CRB1: variants seen among roughly 807,000 people sequenced by gnomAD.
The protein encoded by CRB1 is crumbs cell polarity complex component 1, also known as protein crumbs homolog 1.
A neutral mutation model predicts 120.0 loss-of-function variants in CRB1; 83 were observed. That is an observed-to-expected ratio of 0.69 (90% CI 0.58 to 0.83). CRB1 has a LOEUF of 0.83. Ranked by LOEUF, CRB1 falls within the 40% of genes least tolerant of loss-of-function variation. The probability of loss-of-function intolerance (pLI) is 0.00; values close to 1 mark genes in which losing one functional copy is unlikely to be tolerated. For synonymous variants in CRB1, 625 were observed against 612.5 expected, an observed-to-expected ratio of 1.02 and a Z score of -0.30; for missense variants, 1,699 against 1,687.6, an observed-to-expected ratio of 1.01 and a Z score of -0.12.
intron 3 of CRB1, among the ~76,000 whole-genome samples, chr1:197,346,565 C>T (rs1463652867): frequency 6.6e-6 from 1 of 152,186 alleles, no homozygotes; most frequent in African/African-American, 2.4e-5. Context: ...CTCTACCTGC[C>T]TTATAAATTC....
At chr1:197,468,457 T>C (rs1226184901) in intron 11 of CRB1, among the ~76,000 whole-genome samples, 1 of 152,018 alleles carries the variant, frequency 6.6e-6, no homozygotes, top group East Asian at 1.9e-4. Context: ...AAAAAATGAA[T>C]GAATGAATTT....
chr1:197,451,970 T>A (rs1386780190), intron 11 of CRB1, among the ~76,000 whole-genome samples: 3 of 152,308 alleles, frequency 2.0e-5, no homozygotes, highest in Middle Eastern at 6.8e-3. Context: ...TTTAATACGG[T>A]TAAACTGACT....
intron 5 of CRB1, among the ~76,000 whole-genome samples, chr1:197,370,658 A>G (rs1661322214): frequency 6.6e-6 from 1 of 152,230 alleles, no homozygotes; most frequent in African/African-American, 2.4e-5. Flanking sequence ...TCTGGGATAC[A>G]GCAAAAGCAA....
chr1:197,250,664 G>A, the CRB1 span, among the ~76,000 whole-genome samples: 3 of 151,954 alleles, frequency 2.0e-5, no homozygotes, highest in African/African-American at 4.8e-5. Context: ...TGTTCAAGCT[G>A]GTGTTTGTTG....
upstream of CRB1, among the ~76,000 whole-genome samples, chr1:197,267,436 A>G (rs1242380177): frequency 6.6e-6 from 1 of 152,176 alleles, no homozygotes; most frequent in Non-Finnish European, 1.5e-5. Flanking sequence ...ACTTCAAAAT[A>G]TATGTTATAT....
intron 1 of CRB1, among the ~76,000 whole-genome samples, chr1:197,271,390 GT>G (rs2125199211): frequency 6.6e-6 from 1 of 152,238 alleles, no homozygotes; most frequent in South Asian, 2.1e-4. Context: ...CGCTGTTTAT[GT>G]TTTGATCAAC....
intron 5 of CRB1, among the ~76,000 whole-genome samples, chr1:197,391,859 G>A (rs1662522562): frequency 6.6e-6 from 1 of 152,054 alleles, no homozygotes; most frequent in South Asian, 2.1e-4. Context: ...ACAGCAGGGT[G>A]ACAACTCAAG....
At chr1:197,414,039 T>A (rs748341334) in intron 5 of CRB1, 2 of 430,640 alleles carry the variant, frequency 4.6e-6, no homozygotes, top group South Asian at 3.3e-5. Flanking sequence ...ATTTGCAACA[T>A]GCTTAGTGTT....
intron 1 of CRB1, among the ~76,000 whole-genome samples, chr1:197,312,195 T>C (rs1435983785): frequency 6.6e-6 from 1 of 152,160 alleles, no homozygotes; most frequent in African/African-American, 2.4e-5. Flanking sequence ...ATAGTAACTG[T>C]TTATTAGTTG....
At chr1:197,407,413 AT>A (rs1442952172) in intron 5 of CRB1, among the ~76,000 whole-genome samples, 4 of 152,310 alleles carry the variant, frequency 2.6e-5, no homozygotes, top group Non-Finnish European at 2.9e-5. Flanking sequence ...AGTCACTGCC[AT>A]TTTTTAGGAA....
the CRB1 span, among the ~76,000 whole-genome samples, chr1:197,215,688 C>G: frequency 6.6e-6 from 1 of 152,192 alleles, no homozygotes; most frequent in African/African-American, 2.4e-5. Context: ...TTACCCAGCA[C>G]TTCTTTCTCC....
At chr1:197,428,512 TG>T (rs1243016912) in intron 7 of CRB1, among the ~76,000 whole-genome samples, 1 of 152,242 alleles carries the variant, frequency 6.6e-6, no homozygotes, top group African/African-American at 2.4e-5. Context: ...ATATTCTATG[TG>T]CTCTTCTAAG....
At chr1:197,350,090 G>C (rs1288576573) in intron 4 of CRB1, among the ~76,000 whole-genome samples, 34 of 146,032 alleles carry the variant, frequency 2.3e-4, no homozygotes, top group South Asian at 6.4e-4. Context: ...CTGGGCGACA[G>C]AGCGAGACTC....
intron 4 of CRB1, among the ~76,000 whole-genome samples, chr1:197,353,212 A>T (rs1406154007): frequency 2.6e-5 from 4 of 152,222 alleles, no homozygotes; most frequent in Non-Finnish European, 4.4e-5. Context: ...AAGCAATACA[A>T]GATAAAGTCT....
At chr1:197,354,897 G>T (rs192601593) in intron 4 of CRB1, among the ~76,000 whole-genome samples, 1 of 113,732 alleles carries the variant, frequency 8.8e-6, no homozygotes, top group African/African-American at 3.3e-5. Context: ...ATTTTACAGC[G>T]AGCCAATTGG....
Position 197,325,198 on chromosome 1 carries a change from C to T in CRB1, c.71-3224C>T, listed in dbSNP as rs552295911. 5.3e-5 allele frequency among the ~76,000 whole-genome samples: 8 copies of T among 152,228 alleles called. No individual in the cohort carries two copies. The South Asian group carries it at 1.0e-3, about 20-fold the overall frequency. On this transcript the variant is annotated intron_variant, in intron 1 of 11. Coordinates refer to ENST00000367400, the MANE Select transcript of CRB1 (RefSeq NM_201253.3). ...GATTAAAGATGTGCCCCTCCTGCACCGCCTCCCTCCCCACCCCAATCCTGG... is the reference window on the plus strand; with the variant it reads ...GATTAAAGATGTGCCCCTCCTGCACTGCCTCCCTCCCCACCCCAATCCTGG...
intron 5 of CRB1, chr1:197,357,366 G>T: frequency 3.0e-6 from 1 of 333,924 alleles, no homozygotes; most frequent in Non-Finnish European, 5.7e-6. Context: ...ATTCAAATTT[G>T]CTAGAAAAGT....
intron 1 of CRB1, among the ~76,000 whole-genome samples, chr1:197,292,351 G>T (rs1656238413): frequency 6.6e-6 from 1 of 151,602 alleles, no homozygotes; most frequent in African/African-American, 2.4e-5. Context: ...AGCATCCCAA[G>T]ACTAAGCCAG....
the CRB1 span, among the ~76,000 whole-genome samples, chr1:197,248,105 A>C: frequency 6.6e-6 from 1 of 151,974 alleles, no homozygotes; most frequent in Non-Finnish European, 1.5e-5. Flanking sequence ...TCCAATTATA[A>C]GTGTGTATTA....
Sources: gnomAD v4.1 joint callset for allele counts (sites outside exome capture counted in the v4.1 genomes callset) on GRCh38, gnomAD v4.1.1 for gene constraint, MANE v1.5 for transcripts, NCBI Gene and HGNC (gene_info 2026-07-23, HGNC 2026-07-21) for gene names.